Variants in CHST11 observed in about 807,000 individuals in gnomAD.
The protein encoded by CHST11 is carbohydrate sulfotransferase 11.
In CHST11, 9 loss-of-function variants were observed where a neutral mutation model predicts 30.4. That is an observed-to-expected ratio of 0.30 (90% confidence interval 0.18 to 0.52). The LOEUF (loss-of-function observed/expected upper bound fraction) is 0.52. Among genes scored for constraint, CHST11 ranks in the 20% least tolerant of loss-of-function variants. CHST11 has a pLI of 0.97. For missense variants in CHST11, 348 were observed against 460.6 expected, an observed-to-expected ratio of 0.76 and a Z score of 2.24; for synonymous variants, 152 against 187.8, an observed-to-expected ratio of 0.81 and a Z score of 1.56.
At chr12:104,583,562 A>G (rs1786830261) in intron 1 of CHST11, among the ~76,000 whole-genome samples, 1 of 152,074 alleles carries the variant, frequency 6.6e-6, no homozygotes, top group African/African-American at 2.4e-5. Context: ...GGCCTCCCCT[A>G]TTCATTTTCA....
At chr12:104,652,428 C>T (rs1028617073) in intron 2 of CHST11, among the ~76,000 whole-genome samples, 3 of 152,118 alleles carry the variant, frequency 2.0e-5, no homozygotes, top group African/African-American at 2.4e-5. Flanking sequence ...TCAGAAGTTT[C>T]AAGACAAGGT....
intron 2 of CHST11, among the ~76,000 whole-genome samples, chr12:104,693,043 T>C (rs777928285): frequency 4.6e-5 from 7 of 152,128 alleles, no homozygotes; most frequent in Non-Finnish European, 8.8e-5. Flanking sequence ...GAGGCTTCTC[T>C]CCTTGGCTTG....
chr12:104,701,697 G>A (rs1309195873), intron 2 of CHST11, among the ~76,000 whole-genome samples: 2 of 152,118 alleles, frequency 1.3e-5, no homozygotes, highest in African/African-American at 4.8e-5. Context: ...TCTCTACCCC[G>A]GGTAACTCAT....
In CHST11 at chr12:104,457,537, G is replaced by A; in HGVS notation, c.118+8G>A. ...AAAGTATGTTGCACCCAGGTAGGGG[G>A]CGCGTTAGCGTGGTTTTGTTGGATA... On this transcript the variant is annotated splice_region_variant and intron_variant, in intron 1 of 2. Coordinates refer to ENST00000303694, the MANE Select transcript of CHST11 (RefSeq NM_018413.6). 3 of 1,580,914 alleles carry A rather than the reference G, an allele frequency of 1.9e-6. No homozygotes were observed. The highest frequency in any genetic ancestry group is 2.6e-6 in the Non-Finnish European group (3 of 1,149,794).
rs57545833 is a variant in CHST11, at chr12:104,722,155, AGT to A, written c.205-34761_205-34760del. On this transcript the variant is annotated intron_variant, in intron 2 of 2. Transcript: ENST00000303694. Reference sequence around the variant, plus strand: ...TGGCGCATACTACCACACTCAGCTAAGTGTGTGTGTGTGTGTGTGTGTGTGTG... The same window carrying A: ...TGGCGCATACTACCACACTCAGCTAAGTGTGTGTGTGTGTGTGTGTGTGTG... Among the ~76,000 whole-genome samples, 720 of 137,508 alleles carry A rather than the reference AGT, an allele frequency of 5.2e-3. 2 individuals are homozygous for A. The highest frequency in any genetic ancestry group is 5.9e-3 in the Non-Finnish European group (384 of 64,860). The allele number at this position is 137,508 out of a possible 152,430, so 90.2% of individuals were successfully genotyped here.
intron 1 of CHST11, among the ~76,000 whole-genome samples, chr12:104,590,298 G>A (rs570794937): frequency 1.3e-5 from 2 of 152,180 alleles, no homozygotes; most frequent in South Asian, 2.1e-4. Flanking sequence ...AGGCCCCTTT[G>A]TAGGAGAATC....
intron 1 of CHST11, among the ~76,000 whole-genome samples, chr12:104,592,787 G>A (rs1394303135): frequency 6.6e-6 from 1 of 152,162 alleles, no homozygotes; most frequent in Middle Eastern, 3.2e-3. Context: ...CTGTCAGGTT[G>A]ACAACTGATT....
intron 1 of CHST11, among the ~76,000 whole-genome samples, chr12:104,475,684 A>ATT (rs1275242519): frequency 1.9e-5 from 2 of 107,704 alleles, no homozygotes; most frequent in Non-Finnish European, 2.0e-5. Flanking sequence ...ATATATATAT[A>ATT]TATATATTTC....
In CHST11 at chr12:104,688,844, T is replaced by A. The variant is rs546907607; in HGVS notation, c.205-68105T>A. Among the ~76,000 whole-genome samples the A allele has an allele frequency of 3.9e-5, 6 of 152,292 alleles. No homozygotes were observed. The East Asian group carries it at 1.2e-3, about 29-fold the overall frequency. On this transcript the variant is annotated intron_variant, in intron 2 of 2. Transcript: ENST00000303694. ...GATGTCAGTTACAAGCCATTGCTAC[T>A]GGGCATGGTGATGAGCCTGCAGGCC...
At chr12:104,596,352 C>G (rs902738464) in intron 1 of CHST11, among the ~76,000 whole-genome samples, 2 of 152,204 alleles carry the variant, frequency 1.3e-5, no homozygotes, top group Non-Finnish European at 2.9e-5. Flanking sequence ...TGGAAAGTGT[C>G]CGAAGTCAAC....
At chr12:104,465,976 C>G (rs1198390330) in intron 1 of CHST11, among the ~76,000 whole-genome samples, 1 of 151,992 alleles carries the variant, frequency 6.6e-6, no homozygotes, top group South Asian at 2.1e-4. Flanking sequence ...TCTCCTGCCT[C>G]AGCCTTCTAA....
At chr12:104,673,207 C>CT (rs2039711905) in intron 2 of CHST11, among the ~76,000 whole-genome samples, 1 of 152,152 alleles carries the variant, frequency 6.6e-6, no homozygotes, top group Non-Finnish European at 1.5e-5. Flanking sequence ...TCTCAAGATC[C>CT]TTAGCTTAAT....
chr12:104,687,221 GT>G (rs2039854491), intron 2 of CHST11, among the ~76,000 whole-genome samples: 1 of 152,204 alleles, frequency 6.6e-6, no homozygotes. Context: ...GAACTATTTT[GT>G]TTTTTTAGCA....
At chr12:104,636,963 C>A (rs1184413844) in intron 2 of CHST11, among the ~76,000 whole-genome samples, 1 of 151,860 alleles carries the variant, frequency 6.6e-6, no homozygotes, top group Non-Finnish European at 1.5e-5. Context: ...AGGATAAGCA[C>A]TTAGTGACTA....
intron 1 of CHST11, among the ~76,000 whole-genome samples, chr12:104,499,404 C>T (rs1457124814): frequency 2.3e-5 from 2 of 88,336 alleles, no homozygotes; most frequent in Non-Finnish European, 4.6e-5. Flanking sequence ...ATTAGGGACT[C>T]CAAATCCAGG....
At chr12:104,662,170 C>T (rs1219292948) in intron 2 of CHST11, among the ~76,000 whole-genome samples, 1 of 152,170 alleles carries the variant, frequency 6.6e-6, no homozygotes, top group East Asian at 1.9e-4. Context: ...CTTGATGTCA[C>T]ACCTGAAGCA....
intron 1 of CHST11, among the ~76,000 whole-genome samples, chr12:104,580,721 G>T (rs893857427): frequency 1.3e-5 from 2 of 152,126 alleles, no homozygotes; most frequent in Admixed American, 1.3e-4. Flanking sequence ...AGTCTTCTGA[G>T]GCTCCATACT....
rs960580646 is a variant in CHST11, at chr12:104,600,638, T to C, written c.119-1268T>C. On this transcript the variant is annotated intron_variant, in intron 1 of 2. Transcript: ENST00000303694. This position sits in a 1 kb window ranked among gnomAD's most constrained non-coding sequence, Gnocchi z 4.1. The stretch of plus-strand genomic sequence containing the variant: ...AGTTTCCTTAAGGTCACACAGCTGG[T>C]AGTGGTAGAGCCAGTATTGAAACCC... Among the ~76,000 whole-genome samples, 18 of 152,126 alleles carry C rather than the reference T, an allele frequency of 1.2e-4. No homozygotes were observed. The highest frequency in any genetic ancestry group is 2.6e-4 in the Non-Finnish European group (18 of 68,024).
chr12:104,726,031 A>G (rs942256187), intron 2 of CHST11, among the ~76,000 whole-genome samples: 3 of 152,204 alleles, frequency 2.0e-5, no homozygotes, highest in African/African-American at 7.2e-5. Flanking sequence ...TCTTGAGCCA[A>G]TGAAGCAGGA....
Sources: gnomAD v4.1 joint callset for allele counts (sites outside exome capture counted in the v4.1 genomes callset) on GRCh38, gnomAD v4.1.1 for gene constraint, Gnocchi (gnomAD v3.1) non-coding constraint, MANE v1.5 for transcripts, NCBI Gene and HGNC (gene_info 2026-07-23, HGNC 2026-07-21) for gene names.